The following SCLT1 variants were observed in gnomAD, a reference collection of about 807,000 sequenced individuals.
SCLT1 encodes the protein sodium channel and clathrin linker 1.
SCLT1 carries 78 observed loss-of-function variants against 112.8 expected under a neutral mutation model. The ratio of observed to expected loss-of-function variants is 0.69; its 90% CI spans 0.58 to 0.83. The LOEUF is 0.83. SCLT1 is among the 40% of genes least tolerant of loss of function. The pLI is 0.00. For synonymous variants in SCLT1, 257 were observed against 254.7 expected (o/e 1.01, Z -0.09); for missense variants, 747 against 770.4 (o/e 0.97, Z 0.36).
intron 5 of SCLT1, among the ~76,000 whole-genome samples, chr4:129,025,280 T>C (rs1446158207): frequency 1.3e-5 from 2 of 151,928 alleles, no homozygotes; most frequent in Non-Finnish European, 2.9e-5. Context: ...AAGGAAAAAA[T>C]GTTAAGGGCA....
chr4:129,067,394 A>G (rs1429409913), intron 2 of SCLT1, among the ~76,000 whole-genome samples: 1 of 151,884 alleles, frequency 6.6e-6, no homozygotes, highest in Non-Finnish European at 1.5e-5. Flanking sequence ...TGAAAAGGCA[A>G]TCTTCCATAG....
intron 2 of SCLT1, among the ~76,000 whole-genome samples, chr4:129,063,000 G>T (rs1291583053): frequency 6.6e-6 from 1 of 152,032 alleles, no homozygotes; most frequent in African/African-American, 2.4e-5. Flanking sequence ...CTCCTTCTGA[G>T]ACTCTCACAA....
At chr4:129,021,436 A>G (rs1457826146) in intron 5 of SCLT1, among the ~76,000 whole-genome samples, 1 of 152,200 alleles carries the variant, frequency 6.6e-6, no homozygotes, top group Non-Finnish European at 1.5e-5. Flanking sequence ...GCTAAGGACC[A>G]CTAGCTTGAA....
chr4:129,088,680 A>G (rs1289778402), intron 1 of SCLT1, among the ~76,000 whole-genome samples: 4 of 152,228 alleles, frequency 2.6e-5, no homozygotes, highest in African/African-American at 7.2e-5. Context: ...AGAATATTAA[A>G]GAACGTTATT....
At chr4:129,084,040 C>G (rs759366831) in intron 1 of SCLT1, among the ~76,000 whole-genome samples, 11 of 152,120 alleles carry the variant, frequency 7.2e-5, no homozygotes, top group Non-Finnish European at 1.3e-4. Flanking sequence ...GAAGGGAACA[C>G]TGTTATTATA....
chr4:129,026,840 T>C (rs1746142646), intron 5 of SCLT1, among the ~76,000 whole-genome samples: 1 of 152,090 alleles, frequency 6.6e-6, no homozygotes, highest in Admixed American at 6.5e-5. Flanking sequence ...AAGAATCAAA[T>C]AGACGCAATA....
intron 1 of SCLT1, among the ~76,000 whole-genome samples, chr4:129,091,846 A>C (rs1752852430): frequency 6.6e-6 from 1 of 152,218 alleles, no homozygotes; most frequent in East Asian, 1.9e-4. Flanking sequence ...GGAAAGAGGT[A>C]GGCTGTGAGC....
At chr4:128,950,367 G>A (rs1321220261) in intron 14 of SCLT1, among the ~76,000 whole-genome samples, 1 of 152,094 alleles carries the variant, frequency 6.6e-6, no homozygotes, top group Non-Finnish European at 1.5e-5. Flanking sequence ...AGAATATTTG[G>A]TTAACCTGGG....
At chr4:128,942,765 C>T (rs1737806842) in intron 17 of SCLT1, among the ~76,000 whole-genome samples, 1 of 152,066 alleles carries the variant, frequency 6.6e-6, no homozygotes, top group African/African-American at 2.4e-5. Flanking sequence ...CAGTATATTT[C>T]GTGGTTGGAA....
chr4:129,057,367 C>G (rs1176409130), intron 2 of SCLT1, among the ~76,000 whole-genome samples: 1 of 150,544 alleles, frequency 6.6e-6, no homozygotes, highest in Non-Finnish European at 1.5e-5. Context: ...AATCACCTAA[C>G]CTTTGGTTTT....
At chr4:129,033,994 A>G (rs1257258531) in intron 5 of SCLT1, among the ~76,000 whole-genome samples, 1 of 152,202 alleles carries the variant, frequency 6.6e-6, no homozygotes, top group Non-Finnish European at 1.5e-5. Context: ...TCTTCACAGT[A>G]TAATGACCTC....
intron 2 of SCLT1, among the ~76,000 whole-genome samples, chr4:129,078,095 G>C (rs1185426618): frequency 6.6e-6 from 1 of 152,138 alleles, no homozygotes; most frequent in Admixed American, 6.5e-5. Flanking sequence ...ATCAAGATTT[G>C]GTTGCAAGAC....
intron 9 of SCLT1, among the ~76,000 whole-genome samples, chr4:128,982,003 A>G (rs1422985325): frequency 2.0e-5 from 3 of 150,952 alleles, no homozygotes; most frequent in Non-Finnish European, 4.4e-5. Context: ...AGAGGTTACT[A>G]CTGCAGCTCA....
intron 5 of SCLT1, among the ~76,000 whole-genome samples, 171 bp downstream of exon 5, chr4:129,038,870 C>T (rs1747420681): frequency 6.6e-6 from 1 of 152,142 alleles, no homozygotes; most frequent in Admixed American, 6.6e-5. Flanking sequence ...GGGAAGTAAC[C>T]TGTCCAGGGT....
chr4:129,072,657 GT>G (rs77575442), intron 2 of SCLT1, among the ~76,000 whole-genome samples: 40,974 of 151,808 alleles, frequency 0.27, 5,918 homozygotes, highest in South Asian at 0.36. Flanking sequence ...ATTTTTTATT[GT>G]TTTTTTCTTC....
At chr4:129,016,615 C>G (rs958814462) in intron 5 of SCLT1, among the ~76,000 whole-genome samples, 1 of 152,194 alleles carries the variant, frequency 6.6e-6, no homozygotes, top group Non-Finnish European at 1.5e-5. Context: ...GATCCTAACA[C>G]ACCTATCCAC....
chr4:128,937,940 C>G (rs1469137239), intron 17 of SCLT1, among the ~76,000 whole-genome samples: 2 of 152,078 alleles, frequency 1.3e-5, no homozygotes, highest in Non-Finnish European at 2.9e-5. Flanking sequence ...TACCTAAGTA[C>G]CATTTTTGGG....
chr4:128,909,321 C>T (rs865836063), intron 18 of SCLT1, among the ~76,000 whole-genome samples: 1 of 152,032 alleles, frequency 6.6e-6, no homozygotes, highest in Non-Finnish European at 1.5e-5. Context: ...CATGATCATA[C>T]CTCACTGCAG....
chr4:128,980,529 A>G (rs1392673717), intron 9 of SCLT1, among the ~76,000 whole-genome samples: 1 of 152,200 alleles, frequency 6.6e-6, no homozygotes, highest in Non-Finnish European at 1.5e-5. Flanking sequence ...ATGCTCTTCA[A>G]TGAAACCACT....
Sources: allele counts gnomAD v4.1 joint callset (sites outside exome capture counted in the v4.1 genomes callset), GRCh38; gene constraint gnomAD v4.1.1; transcripts MANE v1.5; gene names NCBI Gene and HGNC (gene_info 2026-07-23, HGNC 2026-07-21).